Variants in MARK1 observed in about 807,000 individuals in gnomAD.
MARK1 encodes the protein serine/threonine-protein kinase MARK1.
In MARK1, 40 loss-of-function variants were observed where a neutral mutation model predicts 96.3. The ratio of observed to expected loss-of-function variants is 0.42; its 90% CI spans 0.32 to 0.54. The LOEUF is 0.54. Ranked by LOEUF, MARK1 falls within the 20% of genes least tolerant of loss-of-function variation. The probability of loss-of-function intolerance (pLI) is 0.16; values close to 1 mark genes in which losing one functional copy is unlikely to be tolerated. For synonymous variants in MARK1, 317 were observed against 341.2 expected, an observed-to-expected ratio of 0.93 and a Z score of 0.78; for missense variants, 719 against 984.6, an observed-to-expected ratio of 0.73 and a Z score of 3.61.
At chr1:220,554,101 A>G (rs1223036614) in intron 1 of MARK1, among the ~76,000 whole-genome samples, 6 of 152,318 alleles carry the variant, frequency 3.9e-5, no homozygotes, top group South Asian at 4.1e-4. Flanking sequence ...CTATCTCAGC[A>G]TGTCCCAGAC....
rs1273637571 is a variant in MARK1 at position 220,528,547 on chromosome 1, C to T, written c.-276C>T. On this transcript the variant is annotated 5_prime_UTR_variant, in exon 1 of 18. Coordinates refer to ENST00000366917, the MANE Select transcript of MARK1 (RefSeq NM_018650.5). ...GCCTCATCCTGCCAGCCTCGCCGCC[C>T]CGCCAGCGCCGGGCAACCGCCTCGC... The T allele has an allele frequency of 6.6e-6, 3 of 453,184 alleles. No homozygotes were observed. Among genetic ancestry groups the T allele is most frequent in the Non-Finnish European group, 3.9e-6 (1 of 257,744 alleles). The allele number at this position is 453,184 out of a possible 1,614,324, so 28.1% of individuals were successfully genotyped here.
chr1:220,570,891 A>G (rs150257631), intron 1 of MARK1, among the ~76,000 whole-genome samples: 131 of 152,300 alleles, frequency 8.6e-4, no homozygotes, highest in African/African-American at 3.0e-3. Context: ...CTTTGGATTT[A>G]TGCTGTGCAT....
chr1:220,656,123 T>C (rs1669160117), intron 16 of MARK1, among the ~76,000 whole-genome samples: 1 of 152,232 alleles, frequency 6.6e-6, no homozygotes, highest in Non-Finnish European at 1.5e-5. Flanking sequence ...GGTAATTGTT[T>C]TTTAAGTGTT....
Position 220,662,395 on chromosome 1 carries a change from G to A in MARK1, c.*229G>A, listed in dbSNP as rs1192123634. 6.8e-6 allele frequency: 3 copies of A among 440,416 alleles called. No homozygotes were observed. Among genetic ancestry groups the A allele is most frequent in the African/African-American group, 3.9e-5 (2 of 51,600 alleles). The allele number at this position is 440,416 out of a possible 1,614,324, so 27.3% of individuals were successfully genotyped here. On this transcript the variant is annotated 3_prime_UTR_variant, in exon 18 of 18. Transcript: ENST00000366917. ...GTTCACATGTACAGGTAAGTATATT[G>A]TGTATTTCTGTTCATTTTCTGTTCA...
chr1:220,561,810 G>A lies in MARK1; in HGVS notation c.52-17544G>A, dbSNP rs60957633. Among the ~76,000 whole-genome samples, 193 of 152,302 alleles carry A rather than the reference G, an allele frequency of 1.3e-3. 1 individual carries two copies. The East Asian group carries it at 0.036, about 28-fold the overall frequency. On this transcript the variant is annotated intron_variant, in intron 1 of 17. Coordinates refer to ENST00000366917, the MANE Select transcript of MARK1 (RefSeq NM_018650.5). ...TTTGGAATTTGGCCAGGGAGCTGTT[G>A]TGTTCTGTTTACTTCTAGATATTCT...
rs139817990 is a variant in MARK1, at chr1:220,619,567, C to T, written c.909+812C>T. On this transcript the variant is annotated intron_variant, in intron 9 of 17. Transcript: ENST00000366917. ...TTAAGTACAACATACTGGAAACAGG[C>T]ATTTCATTTCTTAGCACACTGTTGT... is the stretch of plus-strand genomic sequence containing the variant. Among the ~76,000 whole-genome samples, 214 of 152,298 alleles carry T rather than the reference C, an allele frequency of 1.4e-3. 1 individual carries two copies. The highest frequency in any genetic ancestry group is 2.7e-3 in the Admixed American group (41 of 15,302).
chr1:220,625,174 A>G (rs1442305572), intron 9 of MARK1, among the ~76,000 whole-genome samples: 1 of 152,216 alleles, frequency 6.6e-6, no homozygotes, highest in African/African-American at 2.4e-5. Context: ...GTCCTCAAGG[A>G]CTTTAAATAA....
chr1:220,623,212 C>T (rs1330086186), intron 9 of MARK1, among the ~76,000 whole-genome samples: 3 of 152,054 alleles, frequency 2.0e-5, no homozygotes, highest in Non-Finnish European at 4.4e-5. Flanking sequence ...TGAGCTCTCT[C>T]CTGTCACCCA....
intron 1 of MARK1, among the ~76,000 whole-genome samples, chr1:220,548,457 G>T (rs142104733): frequency 0.016 from 2,360 of 151,932 alleles, 33 homozygotes; most frequent in Middle Eastern, 0.044. Flanking sequence ...AACAAACATC[G>T]GGTTGGGCAC....
At chr1:220,548,606 G>T (rs1413536246) in intron 1 of MARK1, among the ~76,000 whole-genome samples, 1 of 152,094 alleles carries the variant, frequency 6.6e-6, no homozygotes, top group African/African-American at 2.4e-5. Context: ...AGGCGTGGTG[G>T]TGGGCACCTG....
chr1:220,532,091 T>C (rs1484393855), intron 1 of MARK1, among the ~76,000 whole-genome samples: 1 of 152,170 alleles, frequency 6.6e-6, no homozygotes, highest in Non-Finnish European at 1.5e-5. Flanking sequence ...TGTGATGAAA[T>C]TTTGATCAGT....
chr1:220,638,536 A>T (rs1668096195), intron 13 of MARK1, among the ~76,000 whole-genome samples: 1 of 152,128 alleles, frequency 6.6e-6, no homozygotes, highest in South Asian at 2.1e-4. Context: ...CAAATTTATA[A>T]TCTGTTGTAT....
At chr1:220,637,470 A>G (rs1668028915) in intron 13 of MARK1, among the ~76,000 whole-genome samples, 1 of 152,142 alleles carries the variant, frequency 6.6e-6, no homozygotes, top group African/African-American at 2.4e-5. Context: ...ACTTGAGGTC[A>G]GGGGTTTGAG....
intron 1 of MARK1, among the ~76,000 whole-genome samples, chr1:220,531,317 A>G (rs1202529365): frequency 1.3e-5 from 2 of 152,212 alleles, no homozygotes; most frequent in African/African-American, 4.8e-5. Flanking sequence ...ATTTTTAAAA[A>G]TAGTTACAAA....
At chr1:220,552,067 A>T (rs1323264654) in intron 1 of MARK1, among the ~76,000 whole-genome samples, 1 of 152,210 alleles carries the variant, frequency 6.6e-6, no homozygotes, top group African/African-American at 2.4e-5. Context: ...TACAGACATT[A>T]TGTAATAGCA....
intron 1 of MARK1, among the ~76,000 whole-genome samples, chr1:220,566,066 G>A (rs537145180): frequency 2.0e-5 from 3 of 152,264 alleles, no homozygotes; most frequent in East Asian, 1.9e-4. Flanking sequence ...AGCTTCTGAT[G>A]TCTCATCTTT....
rs766521731 is a variant in MARK1 at position 220,562,456 on chromosome 1, C to T, written c.52-16898C>T. On this transcript the variant is annotated intron_variant, in intron 1 of 17. Coordinates refer to ENST00000366917, the MANE Select transcript of MARK1 (RefSeq NM_018650.5). ...CTGCACTCCAGCCTAGGTGACAGAG[C>T]GAGAAGTCTGTCTCAAAAGGAAACA... 4.6e-5 allele frequency among the ~76,000 whole-genome samples: 7 copies of T among 151,974 alleles called. 1 individual carries two copies. Among genetic ancestry groups the T allele is most frequent in the East Asian group, 1.9e-4 (1 of 5,190 alleles).
intron 13 of MARK1, among the ~76,000 whole-genome samples, chr1:220,646,659 C>G (rs540121444): frequency 1.3e-5 from 2 of 152,278 alleles, no homozygotes; most frequent in South Asian, 4.1e-4. Flanking sequence ...AACTGTACTA[C>G]AAGGCTACAG....
At chr1:220,628,933 A>G (rs1030173378) in intron 9 of MARK1, among the ~76,000 whole-genome samples, 5 of 151,636 alleles carry the variant, frequency 3.3e-5, no homozygotes, top group Admixed American at 3.3e-4. Flanking sequence ...AAAAAAAAAA[A>G]TCATGTGATG....
Sources: gnomAD v4.1 joint callset for allele counts (sites outside exome capture counted in the v4.1 genomes callset) on GRCh38, gnomAD v4.1.1 for gene constraint, MANE v1.5 for transcripts, NCBI Gene and HGNC (gene_info 2026-07-23, HGNC 2026-07-21) for gene names.